DUT: variants seen among roughly 807,000 people sequenced by gnomAD.
The protein encoded by DUT is deoxyuridine triphosphatase, also known as deoxyuridine 5'-triphosphate nucleotidohydrolase, mitochondrial.
A neutral mutation model predicts 28.8 loss-of-function variants in DUT; 21 were observed. The observed-to-expected ratio is 0.73, with a 90% CI of 0.52 to 1.05. The LOEUF is 1.05. Among genes scored for constraint, DUT ranks in the 50% least tolerant of loss-of-function variants. The pLI, the probability that DUT is intolerant of heterozygous loss-of-function variation, is 0.00. For missense variants in DUT, 344 were observed against 351.8 expected (o/e 0.98, Z 0.18); for synonymous variants, 147 against 143.7 (o/e 1.02, Z -0.17).
In DUT at chr15:48,342,846, C is replaced by G. The variant is rs1029519727; in HGVS notation, c.*768C>G. Reference sequence around the variant, plus strand: ...CAGTGAAGTAGCAATAGGCTGTAATCAAGAAAATATGCCATTTATAGAGAT... The same window carrying G: ...CAGTGAAGTAGCAATAGGCTGTAATGAAGAAAATATGCCATTTATAGAGAT... On this transcript the variant is annotated 3_prime_UTR_variant, in exon 7 of 7. Transcript: ENST00000331200. 6 of 152,126 alleles carry G rather than the reference C, an allele frequency of 3.9e-5. No homozygotes were observed. The highest frequency in any genetic ancestry group is 1.4e-4 in the African/African-American group (6 of 41,424). The allele number at this position is 152,126 out of a possible 1,614,324, so 9.4% of individuals were successfully genotyped here.
chr15:48,336,784 T>G (rs554790567), intron 4 of DUT, among the ~76,000 whole-genome samples: 3 of 152,196 alleles, frequency 2.0e-5, no homozygotes, highest in African/African-American at 7.2e-5. Context: ...CCCACATAAG[T>G]AGGTGTGCTA....
At chr15:48,335,336 A>G (rs1254350902) in intron 3 of DUT, among the ~76,000 whole-genome samples, 3 of 152,258 alleles carry the variant, frequency 2.0e-5, no homozygotes, top group Non-Finnish European at 4.4e-5. Context: ...TGCAATAATA[A>G]GGTGTAACCT....
upstream of DUT, chr15:48,331,190 A>C: frequency 6.6e-7 from 1 of 1,519,668 alleles, no homozygotes; most frequent in Non-Finnish European, 8.8e-7. Flanking sequence ...GTGCCGCCCC[A>C]GGTAAATCAG....
intron 1 of DUT, 72 bp downstream of exon 1, chr15:48,331,867 G>A (rs1237574319): frequency 2.5e-6 from 3 of 1,191,766 alleles, no homozygotes; most frequent in South Asian, 2.3e-5. Context: ...GGGGGAAGTA[G>A]GGTGGCGAGC....
Position 48,332,359 on chromosome 15 carries a change from G to T in DUT, c.372G>T (p.Thr124=). Residue 124 remains threonine (T), a synonymous_variant, in exon 2 of 7, where the codon ACG becomes ACT. Transcript: ENST00000331200. ...LRFARLSEHA[T]APTRGSARAA... is the part of the protein sequence containing the mutation. ...TTGCCCGGCTCTCCGAGCACGCCAC[G>T]GCCCCCACCCGGGGCTCCGCGCGCG... is the stretch of plus-strand genomic sequence containing the variant. 3 of 1,599,870 alleles carry T rather than the reference G, an allele frequency of 1.9e-6. No individual in the cohort carries two copies. The highest frequency in any genetic ancestry group is 2.6e-6 in the Non-Finnish European group (3 of 1,174,934).
At chr15:48,339,096 A>G (rs904023866) in intron 4 of DUT, among the ~76,000 whole-genome samples, 5 of 152,182 alleles carry the variant, frequency 3.3e-5, no homozygotes, top group East Asian at 1.9e-4. Flanking sequence ...TGCCTGGGCT[A>G]TAAGAGTGAG....
chr15:48,339,220 A>G (rs538276231), intron 4 of DUT, among the ~76,000 whole-genome samples: 67 of 152,184 alleles, frequency 4.4e-4, no homozygotes, highest in Non-Finnish European at 7.8e-4. Context: ...AAAAGAAAAA[A>G]ATAAAGTAGT....
chr15:48,337,094 G>T (rs1303271976), intron 4 of DUT, among the ~76,000 whole-genome samples: 1 of 152,168 alleles, frequency 6.6e-6, no homozygotes, highest in Non-Finnish European at 1.5e-5. Context: ...TTTGGTGGGT[G>T]TGGTGTCTCT....
chr15:48,336,293 A>G (rs1373380839), intron 4 of DUT, among the ~76,000 whole-genome samples: 1 of 152,172 alleles, frequency 6.6e-6, no homozygotes, highest in Non-Finnish European at 1.5e-5. Context: ...AATAATGATT[A>G]CCTAATTAAT....
chr15:48,331,838 C>A, intron 1 of DUT, 43 bp downstream of exon 1: 2 of 1,313,838 alleles, frequency 1.5e-6, no homozygotes, highest in South Asian at 1.9e-5. Flanking sequence ...TGGAAGGAAT[C>A]CACGCGGCTT....
chr15:48,333,273 A>G (rs2042439170), intron 2 of DUT, among the ~76,000 whole-genome samples: 1 of 152,024 alleles, frequency 6.6e-6, no homozygotes, highest in Admixed American at 6.6e-5. Flanking sequence ...ATAGCAACAG[A>G]AAAAAAAGGA....
chr15:48,335,853 C>A (rs11857732), intron 3 of DUT, among the ~76,000 whole-genome samples, 193 bp from the exon 4 acceptor site: 3,942 of 152,236 alleles, frequency 0.026, 71 homozygotes, highest in East Asian at 0.075. Context: ...TGGAATTTTT[C>A]TAAACTAGTC....
At chr15:48,338,261 CT>C (rs1225596707) in intron 4 of DUT, among the ~76,000 whole-genome samples, 1 of 151,616 alleles carries the variant, frequency 6.6e-6, no homozygotes, top group Admixed American at 6.6e-5. Flanking sequence ...TTCTTAATTT[CT>C]TTTAGTCACT....
chr15:48,332,460 AC>A, intron 2 of DUT, 54 bp downstream of exon 2: 1 of 1,392,168 alleles, frequency 7.2e-7, no homozygotes, highest in South Asian at 1.4e-5. Flanking sequence ...GTCCGCTGCC[AC>A]AGCTAGAAAC....
chr15:48,332,077 A>G (rs1439995933), intron 1 of DUT, 191 bp from the exon 2 acceptor site: 8 of 1,295,998 alleles, frequency 6.2e-6, no homozygotes, highest in African/African-American at 1.6e-5. Flanking sequence ...CTTCAAACCC[A>G]AAATGTGAAT....
Position 48,342,096 on chromosome 15 carries a change from G to C in DUT, c.*18G>C. ...AGAATTAAAATTTATGCCAAGAACA[G>C]AAAACAAGAAGTCATACCTTTTTCT... On this transcript the variant is annotated 3_prime_UTR_variant, in exon 7 of 7. Transcript: ENST00000331200. 6.8e-7 allele frequency: 1 copy of C among 1,476,016 alleles called. No individual in the cohort carries two copies. Among genetic ancestry groups the C allele is most frequent in the Non-Finnish European group, 9.0e-7 (1 of 1,106,184 alleles). 91.4% of individuals were successfully genotyped at this position (1,476,016 alleles called of 1,614,324 possible). A position where few individuals can be genotyped will look rare whatever the true frequency, so the allele number is the denominator to read the frequency against.
intron 1 of DUT, 79 bp from the exon 2 acceptor site, chr15:48,332,189 C>A: frequency 6.7e-7 from 1 of 1,494,432 alleles, no homozygotes. Context: ...CTCCCTGCGG[C>A]GACGCTCATC....
intron 4 of DUT, chr15:48,341,064 A>G (rs2042529285): frequency 5.2e-6 from 2 of 381,912 alleles, no homozygotes; most frequent in South Asian, 1.1e-4. Flanking sequence ...CATTTGATAA[A>G]GAGTGACAGG....
In DUT at chr15:48,331,758, G is replaced by A; in HGVS notation, c.243G>A (p.Glu81=). 1 of 1,406,334 alleles carries A rather than the reference G, an allele frequency of 7.1e-7. No individual in the cohort carries two copies. The highest frequency in any genetic ancestry group is 1.5e-5 in the South Asian group (1 of 64,954). The allele number at this position is 1,406,334 out of a possible 1,614,324, so 87.1% of individuals were successfully genotyped here. A position where few individuals can be genotyped will look rare whatever the true frequency, so the allele number is the denominator to read the frequency against. ...TCGGGGCCGCTGGCTGGAAGGGCGA[G>A]CTTCCTAAGGCGGGGGGAAGCCCGG... is the stretch of plus-strand genomic sequence containing the variant. ...STVGAAGWKG[E]LPKAGGSPAP... Residue 81 remains glutamate (E), a synonymous_variant, in exon 1 of 7, where the codon GAG becomes GAA. Coordinates refer to ENST00000331200, the MANE Select transcript of DUT (RefSeq NM_001025248.2).
Sources: allele counts gnomAD v4.1 joint callset (sites outside exome capture counted in the v4.1 genomes callset), GRCh38; gene constraint gnomAD v4.1.1; transcripts MANE v1.5; gene names NCBI Gene and HGNC (gene_info 2026-07-23, HGNC 2026-07-21).